Variants in DTWD2 observed in about 807,000 individuals in gnomAD.
DTWD2 encodes the protein tRNA-uridine aminocarboxypropyltransferase 2.
Under a neutral mutation model 31.8 loss-of-function variants are expected in DTWD2, and 39 were observed. That is an observed-to-expected ratio of 1.22 (90% confidence interval 0.95 to 1.60). The LOEUF is 1.60. Ranked by LOEUF, DTWD2 falls within the 40% of genes most tolerant of loss-of-function variation. DTWD2 has a pLI of 0.00. For missense variants in DTWD2, 515 were observed against 381.5 expected (o/e 1.35, Z -2.92); for synonymous variants, 180 against 142.8 (o/e 1.26, Z -1.86).
rs144702662 is a variant in DTWD2, at chr5:118,899,410, G to A, written c.597+29127C>T. On this transcript the variant is annotated intron_variant, in intron 4 of 5. Transcript: ENST00000510708. The stretch of plus-strand genomic sequence containing the variant: ...CTAAAATGCAATCAAAGGCTAGTAG[G>A]AACCTAATCCTGTATTTTCCCTAGA... 2.0e-5 allele frequency among the ~76,000 whole-genome samples: 3 copies of A among 152,268 alleles called. No homozygotes were observed. In the East Asian group the frequency reaches 5.8e-4, roughly 29 times the overall value.
chr5:118,903,154 A>G (rs990232840), intron 4 of DTWD2, among the ~76,000 whole-genome samples: 2 of 151,962 alleles, frequency 1.3e-5, no homozygotes, highest in Non-Finnish European at 2.9e-5. Context: ...GGTAAAAAAA[A>G]AAAAAAACTT....
At chr5:118,941,404 C>A (rs558349070) in intron 2 of DTWD2, among the ~76,000 whole-genome samples, 138 of 152,262 alleles carry the variant, frequency 9.1e-4, no homozygotes, top group African/African-American at 3.2e-3. Context: ...TCAATTCCCA[C>A]CTATGAGTGA....
At chr5:118,902,925 T>C (rs770093552) in intron 4 of DTWD2, among the ~76,000 whole-genome samples, 3 of 152,088 alleles carry the variant, frequency 2.0e-5, no homozygotes, top group Non-Finnish European at 2.9e-5. Flanking sequence ...CATAAATAAA[T>C]AGATGTTTAA....
chr5:118,969,504 C>G (rs1024957640), intron 1 of DTWD2, among the ~76,000 whole-genome samples: 1 of 152,154 alleles, frequency 6.6e-6, no homozygotes, highest in Admixed American at 6.5e-5. Flanking sequence ...TGTTTTGCAG[C>G]CTTCACCGGT....
chr5:118,949,841 T>C (rs1004916122), intron 1 of DTWD2, among the ~76,000 whole-genome samples: 4 of 152,078 alleles, frequency 2.6e-5, no homozygotes, highest in Admixed American at 2.0e-4. Flanking sequence ...GGAAAGCAGA[T>C]AAGTTAGTTA....
At chr5:118,880,678 GTTAT>G (rs774149348) in intron 4 of DTWD2, among the ~76,000 whole-genome samples, 233 of 152,000 alleles carry the variant, frequency 1.5e-3, no homozygotes, top group Non-Finnish European at 3.0e-3. Flanking sequence ...TATCAAACTA[GTTAT>G]TTATTTTTTA....
chr5:118,894,808 A>G (rs1390265167), intron 4 of DTWD2, among the ~76,000 whole-genome samples: 1 of 152,192 alleles, frequency 6.6e-6, no homozygotes, highest in Non-Finnish European at 1.5e-5. Context: ...AAAATTCAAC[A>G]TCCTTTCATG....
At chr5:118,866,474 T>G (rs1188417362) in intron 4 of DTWD2, among the ~76,000 whole-genome samples, 1 of 151,978 alleles carries the variant, frequency 6.6e-6, no homozygotes, top group Non-Finnish European at 1.5e-5. Flanking sequence ...TCCAGCAGTG[T>G]GACAAAAATG....
At chr5:118,925,670 CCT>C (rs1753793340) in intron 4 of DTWD2, among the ~76,000 whole-genome samples, 1 of 151,488 alleles carries the variant, frequency 6.6e-6, no homozygotes, top group African/African-American at 2.4e-5. Flanking sequence ...ATGGTGAAAC[CCT>C]GTCTCTACTA....
Position 118,981,998 on chromosome 5 carries a change from A to G in DTWD2, c.218+6296T>C, listed in dbSNP as rs114647048. Among the ~76,000 whole-genome samples, 493 of 152,342 alleles carry G rather than the reference A, an allele frequency of 3.2e-3. 2 individuals carry two copies. Among genetic ancestry groups the G allele is most frequent in the African/African-American group, 0.012 (482 of 41,578 alleles). ...TATGTGGTGTAGCAATAAAAATATGAAAGCTAAAGCAGCTCTGCCTCTTAT... is the reference window on the plus strand; with the variant it reads ...TATGTGGTGTAGCAATAAAAATATGGAAGCTAAAGCAGCTCTGCCTCTTAT... On this transcript the variant is annotated intron_variant, in intron 1 of 5. Coordinates refer to ENST00000510708, the MANE Select transcript of DTWD2 (RefSeq NM_173666.4).
chr5:118,893,469 C>A (rs1390504019), intron 4 of DTWD2, among the ~76,000 whole-genome samples: 1 of 150,340 alleles, frequency 6.7e-6, no homozygotes, highest in Admixed American at 6.6e-5. Context: ...AAACAAGAAG[C>A]CAATGAAATT....
Position 118,840,066 on chromosome 5 carries a change from A to G in DTWD2, c.*851T>C, listed in dbSNP as rs1223179265. On this transcript the variant is annotated 3_prime_UTR_variant, in exon 6 of 6. Transcript: ENST00000510708. ...TGTCTCTTATTCTATACAAAATCTC[A>G]GCAAATATTTTCCCACAGAGCAGGA... 6.6e-6 allele frequency: 1 copy of G among 152,196 alleles called. No homozygotes were observed. Among genetic ancestry groups the G allele is most frequent in the Admixed American group, 6.5e-5 (1 of 15,278 alleles). The allele number at this position is 152,196 out of a possible 1,614,324, so 9.4% of individuals were successfully genotyped here.
intron 4 of DTWD2, among the ~76,000 whole-genome samples, chr5:118,886,764 C>A (rs1431827950): frequency 1.3e-5 from 2 of 152,086 alleles, no homozygotes; most frequent in African/African-American, 4.8e-5. Flanking sequence ...ATATTTCTTA[C>A]AACTGCATGT....
rs533831061 is a variant in DTWD2, at chr5:118,894,287, A to G, written c.597+34250T>C. Among the ~76,000 whole-genome samples the G allele has an allele frequency of 7.2e-5, 11 of 152,272 alleles. No individual in the cohort carries two copies. In the East Asian group the frequency reaches 2.1e-3, roughly 29 times the overall value. ...TCTATCCATCCCCACCTGTAATTCA[A>G]TATGTACAATCCCAATCCAACTCCT... On this transcript the variant is annotated intron_variant, in intron 4 of 5. Coordinates refer to ENST00000510708, the MANE Select transcript of DTWD2 (RefSeq NM_173666.4).
intron 1 of DTWD2, among the ~76,000 whole-genome samples, chr5:118,983,814 A>C (rs369339444): frequency 3.3e-5 from 5 of 152,296 alleles, no homozygotes; most frequent in African/African-American, 1.2e-4. Context: ...CTAGAGACCC[A>C]ATTCTGCTAC....
At position 118,980,659 on chromosome 5, in the gene DTWD2, G is replaced by A. The variant is rs139063640; in HGVS notation, c.218+7635C>T. 1.8e-3 allele frequency among the ~76,000 whole-genome samples: 267 copies of A among 152,310 alleles called. 3 individuals are homozygous for A. The highest frequency in any genetic ancestry group is 0.015 in the Admixed American group (233 of 15,300). On this transcript the variant is annotated intron_variant, in intron 1 of 5. Coordinates refer to ENST00000510708, the MANE Select transcript of DTWD2 (RefSeq NM_173666.4). Reference sequence around the variant, plus strand: ...GGCATAATAAAATGGATAATAGTAAGTGTTGGCAGGAATGTGGAAAAAACA... The same window carrying A: ...GGCATAATAAAATGGATAATAGTAAATGTTGGCAGGAATGTGGAAAAAACA...
At position 118,988,446 on chromosome 5, in the gene DTWD2, G is replaced by A; in HGVS notation, c.66C>T (p.Ser22=). The change falls in exon 1 of 6, where the codon AGC becomes AGT. Residue 22 remains serine (S), a synonymous_variant. Transcript: ENST00000510708. ...EPVARPSGAS[S]SQTPNDKERR... is the part of the protein sequence containing the mutation. ...GCTCCTTGTCGTTCGGCGTCTGAGA[G>A]CTTGAGGCCCCAGAAGGCCGCGCAA... is the stretch of plus-strand genomic sequence containing the variant. 6.2e-7 allele frequency: 1 copy of A among 1,607,062 alleles called. No homozygotes were observed. The highest frequency in any genetic ancestry group is 8.5e-7 in the Non-Finnish European group (1 of 1,178,208).
At chr5:118,845,629 A>T (rs1751835049) in intron 5 of DTWD2, among the ~76,000 whole-genome samples, 1 of 152,182 alleles carries the variant, frequency 6.6e-6, no homozygotes, top group South Asian at 2.1e-4. Context: ...CCACTGCAGT[A>T]CAATTACTCC....
At chr5:118,895,230 T>C (rs373305079) in intron 4 of DTWD2, among the ~76,000 whole-genome samples, 2 of 151,914 alleles carry the variant, frequency 1.3e-5, no homozygotes, top group African/African-American at 2.4e-5. Flanking sequence ...GTGATCAACC[T>C]GAAAAAATCA....
Sources: gnomAD v4.1 joint callset for allele counts (sites outside exome capture counted in the v4.1 genomes callset) on GRCh38, gnomAD v4.1.1 for gene constraint, MANE v1.5 for transcripts, NCBI Gene and HGNC (gene_info 2026-07-23, HGNC 2026-07-21) for gene names.